ADCY1: variants seen among roughly 807,000 people sequenced by gnomAD.
ADCY1 encodes the protein adenylate cyclase 1.
Under a neutral mutation model 105.4 loss-of-function variants are expected in ADCY1, and 28 were observed. The ratio of observed to expected loss-of-function variants is 0.27; its 90% CI spans 0.20 to 0.36. The LOEUF (loss-of-function observed/expected upper bound fraction) is 0.36, where lower values mean the gene tolerates loss of function less well. Ranked by LOEUF, ADCY1 falls within the 10% of genes least tolerant of loss-of-function variation. The pLI is 1.00. For missense variants in ADCY1, 977 were observed against 1,434.2 expected (o/e 0.68, Z 5.15); for synonymous variants, 655 against 623.8 (o/e 1.05, Z -0.75).
Position 45,717,493 on chromosome 7 carries a change from TTCTC to T in ADCY1, c.*3502_*3505del, listed in dbSNP as rs1213193895. 3 of 152,576 alleles carry T rather than the reference TTCTC, an allele frequency of 2.0e-5. No individual in the cohort carries two copies. The highest frequency in any genetic ancestry group is 4.4e-5 in the Non-Finnish European group (3 of 68,038). 9.5% of individuals were successfully genotyped at this position (152,576 alleles called of 1,614,324 possible). ...AAATGTTAGAGCCATTCGGGTAGGA[TTCTC>T]TCTAAATTATTTATTGAAGAGGCTT... is the stretch of plus-strand genomic sequence containing the variant. On this transcript the variant is annotated 3_prime_UTR_variant, in exon 20 of 20. Coordinates refer to ENST00000297323, the MANE Select transcript of ADCY1 (RefSeq NM_021116.4).
chr7:45,678,323 G>A (rs1285334518), intron 10 of ADCY1, 60 bp downstream of exon 10: 6 of 1,517,098 alleles, frequency 4.0e-6, no homozygotes, highest in South Asian at 1.1e-5. Context: ...TCTGGGGTTC[G>A]TGGTTGTGTT....
Position 45,684,992 on chromosome 7 carries a change from G to C in ADCY1, c.1997G>C (p.Cys666Ser). The change falls in exon 12 of 20, where the codon TGC becomes TCC. Residue 666 changes from cysteine to serine, a missense_variant. Cys to Ser is a moderately radical substitution (Grantham distance 112, BLOSUM62 -1). Around this residue, in one of 7 missense-constraint regions of ADCY1, gnomAD observed 275 missense variants for 362.1 expected, o/e 0.76. Transcript: ENST00000297323. ...TTTCTTATTCAGTGTTTTCCAGGGT[G>C]CCTGACGATTCAGATTCGCACTGTC... ...HITRVQCFPG[C>S]LTIQIRTVLC... is the part of the protein sequence containing the mutation. The C allele has an allele frequency of 6.2e-7, 1 of 1,614,074 alleles. No individual in the cohort carries two copies. Among genetic ancestry groups the C allele is most frequent in the Non-Finnish European group, 8.5e-7 (1 of 1,179,902 alleles).
At chr7:45,599,044 A>G (rs1793150223) in intron 2 of ADCY1, among the ~76,000 whole-genome samples, 1 of 152,164 alleles carries the variant, frequency 6.6e-6, no homozygotes, top group Non-Finnish European at 1.5e-5. Flanking sequence ...GGGGCAGGGC[A>G]TGCTGCCTGG....
chr7:45,589,689 C>T (rs546051308), intron 1 of ADCY1, among the ~76,000 whole-genome samples: 1 of 152,000 alleles, frequency 6.6e-6, no homozygotes, highest in Admixed American at 6.5e-5. Context: ...GGCGGGTGAG[C>T]CCTGTGCTCA....
intron 12 of ADCY1, 73 bp from the exon 13 acceptor site, chr7:45,685,889 C>T: frequency 2.0e-6 from 3 of 1,524,350 alleles, no homozygotes; most frequent in Non-Finnish European, 1.8e-6. Context: ...TGAAGAGGGA[C>T]ACCTGAGCAT....
In ADCY1 at chr7:45,678,311, T is replaced by C. The variant is rs12721480; in HGVS notation, c.1898+48T>C. On this transcript the variant is annotated intron_variant, in intron 10 of 19. Coordinates refer to ENST00000297323, the MANE Select transcript of ADCY1 (RefSeq NM_021116.4). ...TGAGGAACTCACCAAGAAGTCCCGG[T>C]TTCTGGGGTTCGTGGTTGTGTTTCT... is the stretch of plus-strand genomic sequence containing the variant. 7.5e-4 allele frequency: 1,170 copies of C among 1,558,330 alleles called. 22 individuals carry two copies. The East Asian group carries it at 0.025, about 33-fold the overall frequency.
At chr7:45,662,902 C>T (rs183653761) in intron 8 of ADCY1, among the ~76,000 whole-genome samples, 5 of 152,334 alleles carry the variant, frequency 3.3e-5, no homozygotes, top group Admixed American at 1.3e-4. Context: ...AGTGTCACCC[C>T]TTCATCACCA....
At position 45,648,786 on chromosome 7, in the gene ADCY1, T is replaced by C; in HGVS notation, c.1137T>C (p.Ile379=). The C allele has an allele frequency of 1.9e-6, 3 of 1,614,002 alleles. No individual in the cohort carries two copies. The highest frequency in any genetic ancestry group is 2.5e-6 in the Non-Finnish European group (3 of 1,179,962). ...GTGTGGAGATGGGACTCGACATGAT[T>C]GATACCATCACGTAAGTACCCCGTG... ...HCCVEMGLDM[I]DTITSVAEAT... is the part of the protein sequence containing the mutation. The change falls in exon 5 of 20, where the codon ATT becomes ATC. Residue 379 remains isoleucine (I), a synonymous_variant. Transcript: ENST00000297323.
At position 45,720,872 on chromosome 7, in the gene ADCY1, A is replaced by G. The variant is rs1785459636; in HGVS notation, c.*6877A>G. 1 of 152,196 alleles carries G rather than the reference A, an allele frequency of 6.6e-6. No individual in the cohort carries two copies. The highest frequency in any genetic ancestry group is 2.4e-5 in the African/African-American group (1 of 41,426). 9.4% of individuals were successfully genotyped at this position (152,196 alleles called of 1,614,324 possible). A position where few individuals can be genotyped will look rare whatever the true frequency, so the allele number is the denominator to read the frequency against. On this transcript the variant is annotated 3_prime_UTR_variant, in exon 20 of 20. Transcript: ENST00000297323. ...CCTCACTCTCTACTTCAAACAGCCC[A>G]TGGAGGGAGGTATTATTATACTCCT...
Position 45,677,959 on chromosome 7 carries a change from A to G in ADCY1, c.1696A>G (p.Asn566Asp). The G allele has an allele frequency of 6.2e-7, 1 of 1,614,238 alleles. No individual in the cohort carries two copies. The highest frequency in any genetic ancestry group is 1.1e-5 in the South Asian group (1 of 91,084). The change falls in exon 9 of 20, where the codon AAC (asparagine) becomes GAC (aspartate). Residue 566 changes from asparagine to aspartate, a missense_variant. Physicochemically the swap from Asn to Asp is conservative, Grantham distance 23. Transcript: ENST00000297323. ...CTACACCACCCCGGGCACTCGCGTC[A>G]ACAGGTACATCAGCCGCCTCTTAGA... ...VVYTTPGTRV[N>D]RYISRLLEAR...
chr7:45,628,019 G>T (rs1342968236), intron 4 of ADCY1, among the ~76,000 whole-genome samples: 1 of 152,194 alleles, frequency 6.6e-6, no homozygotes, highest in African/African-American at 2.4e-5. Flanking sequence ...CAGGCTCCTG[G>T]TGGGGAGGTT....
intron 1 of ADCY1, among the ~76,000 whole-genome samples, chr7:45,592,404 G>T (rs1792947231): frequency 6.6e-6 from 1 of 152,150 alleles, no homozygotes; most frequent in African/African-American, 2.4e-5. Context: ...TTGGATTAGT[G>T]CCCACCCCGA....
intron 1 of ADCY1, among the ~76,000 whole-genome samples, chr7:45,581,213 T>A (rs770399700): frequency 2.6e-5 from 4 of 152,128 alleles, no homozygotes; most frequent in Non-Finnish European, 4.4e-5. Context: ...CCAGTTAATA[T>A]GAATGGATTG....
At chr7:45,656,533 A>C (rs1794949514) in intron 5 of ADCY1, among the ~76,000 whole-genome samples, 2 of 152,122 alleles carry the variant, frequency 1.3e-5, no homozygotes, top group South Asian at 4.1e-4. Flanking sequence ...GGCCCTTGTA[A>C]GGATGAAGTG....
chr7:45,592,501 A>C (rs1302997868), intron 1 of ADCY1, among the ~76,000 whole-genome samples: 2 of 152,130 alleles, frequency 1.3e-5, no homozygotes, highest in Non-Finnish European at 2.9e-5. Context: ...GGCTTTATGC[A>C]TTTTGGGGGA....
intron 14 of ADCY1, among the ~76,000 whole-genome samples, chr7:45,687,930 G>A (rs1161358724): frequency 6.6e-6 from 1 of 152,190 alleles, no homozygotes; most frequent in African/African-American, 2.4e-5. Flanking sequence ...CCAGAGTTGG[G>A]GCACAGACAC....
rs1785317897 is a variant in ADCY1 at position 45,714,067 on chromosome 7, TCCAGCCAGGA to T, written c.*81_*90del. On this transcript the variant is annotated 3_prime_UTR_variant, in exon 20 of 20. Transcript: ENST00000297323. Reference sequence around the variant, plus strand: ...CGGGGGTGACACAGGCCACGGTGGCTCCAGCCAGGACCAGCCAGACCAGCAGAGCAGGGAG... The same window carrying T: ...CGGGGGTGACACAGGCCACGGTGGCTCCAGCCAGACCAGCAGAGCAGGGAG... The T allele has an allele frequency of 7.4e-6, 5 of 673,556 alleles. No individual in the cohort carries two copies. Among genetic ancestry groups the T allele is most frequent in the Non-Finnish European group, 1.4e-5 (5 of 367,184 alleles). 41.7% of individuals were successfully genotyped at this position (673,556 alleles called of 1,614,324 possible). A position where few individuals can be genotyped will look rare whatever the true frequency, so the allele number is the denominator to read the frequency against.
chr7:45,696,024 C>CT (rs1410764888), intron 14 of ADCY1, among the ~76,000 whole-genome samples: 1 of 152,200 alleles, frequency 6.6e-6, no homozygotes, highest in Non-Finnish European at 1.5e-5. Flanking sequence ...GAAATGGAGC[C>CT]TTCTGCTTTA....
rs1482705886 is a variant in ADCY1 at position 45,721,199 on chromosome 7, C to A, written c.*7204C>A. 6.6e-6 allele frequency: 1 copy of A among 152,258 alleles called. No individual in the cohort carries two copies. The highest frequency in any genetic ancestry group is 1.9e-4 in the East Asian group (1 of 5,192). The allele number at this position is 152,258 out of a possible 1,614,324, so 9.4% of individuals were successfully genotyped here. On this transcript the variant is annotated 3_prime_UTR_variant, in exon 20 of 20. Transcript: ENST00000297323. Reference sequence around the variant, plus strand: ...ATGGGTGAGACTCGCTCCAACTGCCCGCCCTCAGAGCAGGTGCCTAAGTCC... The same window carrying A: ...ATGGGTGAGACTCGCTCCAACTGCCAGCCCTCAGAGCAGGTGCCTAAGTCC...
Sources: gnomAD v4.1 joint callset for allele counts (sites outside exome capture counted in the v4.1 genomes callset) on GRCh38, gnomAD v4.1.1 for gene constraint, gnomAD v4.1.1 regional missense constraint, MANE v1.5 for transcripts, NCBI Gene and HGNC (gene_info 2026-07-23, HGNC 2026-07-21) for gene names.